The following HELZ variants were observed in gnomAD, a reference collection of about 807,000 sequenced individuals.
HELZ encodes helicase with zinc finger.
A neutral mutation model predicts 218.2 loss-of-function variants in HELZ; 23 were observed. The observed-to-expected ratio is 0.11, with a 90% CI of 0.08 to 0.15. The LOEUF (loss-of-function observed/expected upper bound fraction) is 0.15, where lower values mean the gene tolerates loss of function less well. Ranked by LOEUF, HELZ falls within the 10% of genes least tolerant of loss-of-function variation. The probability of loss-of-function intolerance (pLI) is 1.00; values close to 1 mark genes in which losing one functional copy is unlikely to be tolerated. For synonymous variants in HELZ, 814 were observed against 829.4 expected, an observed-to-expected ratio of 0.98 and a Z score of 0.32; for missense variants, 1,813 against 2,353.7, an observed-to-expected ratio of 0.77 and a Z score of 4.75.
chr17:67,170,468 C>T (rs191432166), intron 13 of HELZ, among the ~76,000 whole-genome samples: 20 of 151,990 alleles, frequency 1.3e-4, no homozygotes, highest in East Asian at 9.7e-4. Context: ...GAGCTGAGAT[C>T]GCGCCACTGC....
intron 31 of HELZ, among the ~76,000 whole-genome samples, chr17:67,088,321 G>A (rs1030427030): frequency 1.3e-5 from 2 of 152,102 alleles, no homozygotes; most frequent in Non-Finnish European, 2.9e-5. Flanking sequence ...CACCACTGTT[G>A]TTAGCAATAA....
chr17:67,123,316 CA>C (rs539664745), intron 25 of HELZ, among the ~76,000 whole-genome samples, 156 bp from the exon 26 acceptor site: 1,756 of 143,906 alleles, frequency 0.012, 19 homozygotes, highest in South Asian at 0.019. Context: ...AAGCATATTA[CA>C]AAAAAAAAAA....
intron 1 of HELZ, 33 bp downstream of exon 1, chr17:67,245,115 C>A: frequency 4.1e-6 from 4 of 984,880 alleles, no homozygotes; most frequent in Non-Finnish European, 4.8e-6. Flanking sequence ...CGGAGCGGCC[C>A]CAGGAGCAGA....
chr17:67,089,177 T>C (rs1022246061), intron 31 of HELZ, among the ~76,000 whole-genome samples: 2 of 152,216 alleles, frequency 1.3e-5, no homozygotes, highest in African/African-American at 4.8e-5. Context: ...ATGATAACCA[T>C]GTCTCCTGGT....
intron 4 of HELZ, 102 bp from the exon 5 acceptor site, chr17:67,216,037 T>A: frequency 1.4e-6 from 1 of 735,990 alleles, no homozygotes. Context: ...GTTTAATCAT[T>A]AATGTTGTAA....
intron 8 of HELZ, 82 bp from the exon 9 acceptor site, chr17:67,194,124 T>A: frequency 1.1e-6 from 1 of 911,116 alleles, no homozygotes; most frequent in Non-Finnish European, 1.8e-6. Flanking sequence ...GATACTACAA[T>A]CCCTCCACAT....
chr17:67,174,472 T>C (rs772557362), intron 13 of HELZ, among the ~76,000 whole-genome samples: 3 of 152,130 alleles, frequency 2.0e-5, no homozygotes, highest in Non-Finnish European at 4.4e-5. Flanking sequence ...GAAACTAGTA[T>C]GAAGCCCCTT....
chr17:67,073,223 C>T lies in HELZ; in HGVS notation c.*5029G>A, dbSNP rs1020076723. On this transcript the variant is annotated 3_prime_UTR_variant, in exon 33 of 33. Coordinates refer to ENST00000358691, the MANE Select transcript of HELZ (RefSeq NM_014877.4). ...TCAAAAATTTCTTAAAAGGTAATAT[C>T]GATTTCCCCTCCTCTACATAGTTCT... The T allele has an allele frequency of 2.6e-5, 4 of 152,552 alleles. No homozygotes were observed. The highest frequency in any genetic ancestry group is 9.7e-5 in the African/African-American group (4 of 41,418). The allele number at this position is 152,552 out of a possible 1,614,324, so 9.4% of individuals were successfully genotyped here.
Position 67,166,518 on chromosome 17 carries a change from C to G in HELZ, c.1855G>C (p.Asp619His), listed in dbSNP as rs2039149247. Residue 619 changes from aspartate to histidine, a missense_variant, in exon 15 of 33, where the codon GAC becomes CAC. By Grantham distance (81) the Asp-to-His change is moderately conservative (BLOSUM62 -1). Transcript: ENST00000358691. ...GGTATGGTGGGAGTCATACTGATGT[C>G]TGGAAACAAAACCCCATTGTCCTTG... ...RIKDNGVLFPDISMTPTIPWS... is the reference protein window; with the variant it reads ...RIKDNGVLFPHISMTPTIPWS... The G allele has an allele frequency of 6.2e-7, 1 of 1,613,480 alleles. No individual in the cohort carries two copies. The highest frequency in any genetic ancestry group is 8.5e-7 in the Non-Finnish European group (1 of 1,179,532).
At chr17:67,166,756 T>C in intron 14 of HELZ, 148 bp from the exon 15 acceptor site, 2 of 636,170 alleles carry the variant, frequency 3.1e-6, no homozygotes. Flanking sequence ...ATAATTATGA[T>C]GAATAATATT....
At position 67,145,739 on chromosome 17, in the gene HELZ, G is replaced by A; in HGVS notation, c.2769+4C>T. On this transcript the variant is annotated splice_donor_region_variant and intron_variant, in intron 21 of 32. Transcript: ENST00000358691. The stretch of plus-strand genomic sequence containing the variant: ...TTAACAATTTACAAAAAGAATTAAG[G>A]TACCTCTGCATTATTATAAAAAGCT... 1.9e-6 allele frequency: 3 copies of A among 1,595,060 alleles called. No homozygotes were observed. The highest frequency in any genetic ancestry group is 2.6e-6 in the Non-Finnish European group (3 of 1,167,184).
chr17:67,195,171 C>G (rs1235577158), intron 8 of HELZ, among the ~76,000 whole-genome samples: 1 of 152,192 alleles, frequency 6.6e-6, no homozygotes, highest in Non-Finnish European at 1.5e-5. Flanking sequence ...TAGTCCTACA[C>G]GGAGGCAAGA....
chr17:67,219,123 A>C (rs1031433431), intron 3 of HELZ, among the ~76,000 whole-genome samples: 2 of 152,244 alleles, frequency 1.3e-5, no homozygotes, highest in Non-Finnish European at 2.9e-5. Context: ...TGAATACCGC[A>C]AAGTATACAA....
In HELZ at chr17:67,237,801, C is replaced by T. The variant is rs142442252; in HGVS notation, c.-19+1632G>A. 4.2e-3 allele frequency among the ~76,000 whole-genome samples: 638 copies of T among 151,082 alleles called. 8 individuals are homozygous for T. The highest frequency in any genetic ancestry group is 0.015 in the African/African-American group (599 of 41,120). On this transcript the variant is annotated intron_variant, in intron 3 of 32. Coordinates refer to ENST00000358691, the MANE Select transcript of HELZ (RefSeq NM_014877.4). ...GTCAGGAGTTCGAGACCAGCCTGAC[C>T]AACATGGTGAACCCCCATCTCCAGT...
intron 13 of HELZ, among the ~76,000 whole-genome samples, chr17:67,170,681 C>T (rs2039282388): frequency 6.6e-6 from 1 of 151,572 alleles, no homozygotes; most frequent in African/African-American, 2.4e-5. Context: ...ACAAAAATTA[C>T]CTGGGCGTGA....
At chr17:67,181,927 C>T (rs538041759) in intron 12 of HELZ, among the ~76,000 whole-genome samples, 3 of 152,314 alleles carry the variant, frequency 2.0e-5, no homozygotes, top group Admixed American at 1.3e-4. Context: ...GATTTAATGA[C>T]CCACCTAACT....
rs1408699027 is a variant in HELZ at position 67,188,597 on chromosome 17, C to T, written c.884G>A (p.Arg295His). 6.2e-7 allele frequency: 1 copy of T among 1,613,156 alleles called. No homozygotes were observed. Among genetic ancestry groups the T allele is most frequent in the South Asian group, 1.1e-5 (1 of 91,040 alleles). ...ATGAGCATCATAAAGCAATGCTACA[C>T]GATACAGCATTCTTGCAGGCTACAA... ...LTCKPARMLY[R>H]VALLYDAHRP... The change falls in exon 12 of 33, where the codon CGT (arginine) becomes CAT (histidine). Residue 295 changes from arginine to histidine, a missense_variant. Arg to His is a conservative substitution (Grantham distance 29). This residue lies in a region of HELZ where 714 missense variants were observed against 1,029.2 expected (regional missense o/e 0.69). Coordinates refer to ENST00000358691, the MANE Select transcript of HELZ (RefSeq NM_014877.4). This position sits in a 1 kb window ranked among gnomAD's most constrained non-coding sequence, Gnocchi z 4.1.
intron 17 of HELZ, among the ~76,000 whole-genome samples, chr17:67,154,153 C>T (rs974006213): frequency 3.3e-5 from 5 of 152,314 alleles, no homozygotes; most frequent in African/African-American, 9.6e-5. Flanking sequence ...TTTGGCCAGG[C>T]GTGATGGCTC....
intron 27 of HELZ, among the ~76,000 whole-genome samples, chr17:67,116,307 A>G (rs571582832): frequency 1.6e-4 from 24 of 152,306 alleles, no homozygotes; most frequent in Non-Finnish European, 2.6e-4. Context: ...GCAAGATGAT[A>G]GAATCAAACT....
Sources: allele counts gnomAD v4.1 joint callset (sites outside exome capture counted in the v4.1 genomes callset), GRCh38; gene constraint gnomAD v4.1.1; regional missense constraint gnomAD v4.1.1; non-coding constraint Gnocchi (gnomAD v3.1); transcripts MANE v1.5; gene names NCBI Gene and HGNC (gene_info 2026-07-23, HGNC 2026-07-21).